The following WDR31 variants were observed in gnomAD, a reference collection of about 807,000 sequenced individuals.
WDR31 encodes the protein WD repeat-containing protein 31.
A neutral mutation model predicts 47.3 loss-of-function variants in WDR31; 30 were observed. That is an observed-to-expected ratio of 0.63 (90% CI 0.47 to 0.86). The LOEUF is 0.86. WDR31 is among the 40% of genes least tolerant of loss of function. WDR31 has a pLI of 0.00. For synonymous variants in WDR31, 137 were observed against 159.4 expected, an observed-to-expected ratio of 0.86 and a Z score of 1.06; for missense variants, 406 against 442.9, an observed-to-expected ratio of 0.92 and a Z score of 0.75.
At chr9:113,338,652 CTT>C (rs1310488179) in intron 1 of WDR31, among the ~76,000 whole-genome samples, 1 of 144,338 alleles carries the variant, frequency 6.9e-6, no homozygotes, top group African/African-American at 2.6e-5. Flanking sequence ...GAGTTTCTCT[CTT>C]GTTGCCCAGG....
Position 113,330,555 on chromosome 9 carries a change from T to C in WDR31, c.249+429A>G, listed in dbSNP as rs115676960. 6.0e-3 allele frequency among the ~76,000 whole-genome samples: 910 copies of C among 152,242 alleles called. 9 individuals are homozygous for C. Among genetic ancestry groups the C allele is most frequent in the African/African-American group, 0.021 (858 of 41,546 alleles). On this transcript the variant is annotated intron_variant, in intron 4 of 10. Coordinates refer to ENST00000374193, the MANE Select transcript of WDR31 (RefSeq NM_001012361.4). Reference sequence around the variant, plus strand: ...AGGGAGGAATCATGATGCATACCAGTGTAGAGAGCATAAAAGAAGAGATTA... The same window carrying C: ...AGGGAGGAATCATGATGCATACCAGCGTAGAGAGCATAAAAGAAGAGATTA...
chr9:113,324,099 G>A (rs1459980977), intron 5 of WDR31, among the ~76,000 whole-genome samples: 2 of 152,044 alleles, frequency 1.3e-5, no homozygotes, highest in East Asian at 3.9e-4. Flanking sequence ...GTACAACTCA[G>A]TGGCAACAAG....
chr9:113,318,906 A>T lies in WDR31; in HGVS notation c.781-269T>A, dbSNP rs369840315. Among the ~76,000 whole-genome samples, 5 of 152,202 alleles carry T rather than the reference A, an allele frequency of 3.3e-5. No individual in the cohort carries two copies. The South Asian group carries it at 8.3e-4, about 25-fold the overall frequency. On this transcript the variant is annotated intron_variant, in intron 9 of 10. Transcript: ENST00000374193. ...ATGAGTTTTTGCCTTTTTAGTGGTT[A>T]GGGAAGTAAAAGCTCCCAGTCCTAC...
intron 5 of WDR31, among the ~76,000 whole-genome samples, chr9:113,327,453 ACAC>A (rs1157545601): frequency 3.3e-5 from 5 of 151,146 alleles, no homozygotes; most frequent in Admixed American, 1.3e-4. Context: ...GTGCACACAC[ACAC>A]AAGTGCATGC....
Position 113,333,088 on chromosome 9 carries a change from C to T in WDR31, c.-28-1038G>A, listed in dbSNP as rs1316718517. Reference sequence around the variant, plus strand: ...TGCTTTTCTTTATAAACTACTTAGCCTCAGTTATTTTTTTATAGCAACACA... The same window carrying T: ...TGCTTTTCTTTATAAACTACTTAGCTTCAGTTATTTTTTTATAGCAACACA... On this transcript the variant is annotated intron_variant, in intron 2 of 10. Transcript: ENST00000374193. 3.3e-5 allele frequency among the ~76,000 whole-genome samples: 5 copies of T among 152,016 alleles called. 1 individual carries two copies. The highest frequency in any genetic ancestry group is 1.2e-4 in the African/African-American group (5 of 41,400).
At chr9:113,334,643 G>A (rs1057024286) in intron 2 of WDR31, among the ~76,000 whole-genome samples, 5 of 149,998 alleles carry the variant, frequency 3.3e-5, no homozygotes, top group African/African-American at 4.9e-5. Context: ...GGGTTCAAGC[G>A]ATTCTCCTGT....
intron 1 of WDR31, among the ~76,000 whole-genome samples, chr9:113,339,234 T>C (rs1378484342): frequency 6.6e-6 from 1 of 152,172 alleles, no homozygotes; most frequent in East Asian, 1.9e-4. Context: ...TCCAGTGCAA[T>C]ATTCCTTGAT....
chr9:113,323,253 CCA>C, intron 5 of WDR31, 98 bp from the exon 6 acceptor site: 2 of 1,403,596 alleles, frequency 1.4e-6, no homozygotes, highest in Non-Finnish European at 9.7e-7. Flanking sequence ...AACTCCCTCC[CCA>C]CACACACTTC....
chr9:113,335,662 G>A (rs905332504), intron 2 of WDR31, among the ~76,000 whole-genome samples: 1 of 152,132 alleles, frequency 6.6e-6, no homozygotes, highest in African/African-American at 2.4e-5. Context: ...ACTTCCTGAC[G>A]AGAATAGGTA....
rs1303901981 is a variant in WDR31 at position 113,330,999 on chromosome 9, A to G, written c.234T>C (p.Ser78=). The part of the protein sequence containing the change: ...VAALNSDLCV[S]GGKDKTVVAY... The stretch of plus-strand genomic sequence containing the variant: ...CAAACCCCACCTTATCTTTCCCTCC[A>G]GAGACACAAAGGTCTGAGTTCAAAG... Residue 78 remains serine (S), a synonymous_variant, in exon 4 of 11, where the codon TCT becomes TCC. Coordinates refer to ENST00000374193, the MANE Select transcript of WDR31 (RefSeq NM_001012361.4). The G allele has an allele frequency of 1.2e-6, 2 of 1,608,634 alleles. No individual in the cohort carries two copies. The highest frequency in any genetic ancestry group is 2.2e-5 in the South Asian group (2 of 90,582).
rs149154993 is a variant in WDR31, at chr9:113,321,056, G to A, written c.638+455C>T. Among the ~76,000 whole-genome samples, 907 of 152,206 alleles carry A rather than the reference G, an allele frequency of 6.0e-3. 10 individuals carry two copies. Among genetic ancestry groups the A allele is most frequent in the African/African-American group, 0.021 (860 of 41,506 alleles). On this transcript the variant is annotated intron_variant, in intron 8 of 10. Transcript: ENST00000374193. ...TCCAAAGTTTCTAGTTATCCTCTCC[G>A]GTCTAAGAACTATTGGCTTTACTGA...
rs535056509 is a variant in WDR31, at chr9:113,330,968, A to G, written c.249+16T>C. ...TGCAATAAAGTTCATTTCCCGGGAAACACTGCAAACCCCACCTTATCTTTC... is the reference window on the plus strand; with the variant it reads ...TGCAATAAAGTTCATTTCCCGGGAAGCACTGCAAACCCCACCTTATCTTTC... On this transcript the variant is annotated intron_variant, in intron 4 of 10. Transcript: ENST00000374193. 31 of 1,576,034 alleles carry G rather than the reference A, an allele frequency of 2.0e-5. No individual in the cohort carries two copies. In the South Asian group the frequency reaches 3.5e-4, roughly 18 times the overall value.
chr9:113,338,390 C>T (rs955055386), intron 1 of WDR31, among the ~76,000 whole-genome samples: 2 of 152,076 alleles, frequency 1.3e-5, no homozygotes, highest in African/African-American at 4.8e-5. Flanking sequence ...GTTATATCTA[C>T]GTTGTTGTAA....
rs1588034596 is a variant in WDR31 at position 113,313,376 on chromosome 9, CCT to C, written c.*3371_*3372del. On this transcript the variant is annotated 3_prime_UTR_variant, in exon 11 of 11. Coordinates refer to ENST00000374193, the MANE Select transcript of WDR31 (RefSeq NM_001012361.4). ...TTCCCGTGAACTTTCTGACTTGCTG[CCT>C]CTCTCCCTTCTGGGAAAAAGTGTCA... 3.3e-5 allele frequency: 5 copies of C among 152,336 alleles called. No homozygotes were observed. Among genetic ancestry groups the C allele is most frequent in the Admixed American group, 2.6e-4 (4 of 15,306 alleles). The allele number at this position is 152,336 out of a possible 1,614,324, so 9.4% of individuals were successfully genotyped here. A position where few individuals can be genotyped will look rare whatever the true frequency, so the allele number is the denominator to read the frequency against.
At chr9:113,316,949 G>A (rs766771854) in intron 10 of WDR31, 40 bp from the exon 11 acceptor site, 3 of 1,595,630 alleles carry the variant, frequency 1.9e-6, no homozygotes, top group Admixed American at 1.8e-5. Flanking sequence ...GGCCAAGAGT[G>A]TAGCATCATG....
intron 5 of WDR31, among the ~76,000 whole-genome samples, chr9:113,327,288 TA>T (rs1367087460): frequency 1.3e-5 from 2 of 152,214 alleles, no homozygotes; most frequent in African/African-American, 4.8e-5. Flanking sequence ...TATGTATATT[TA>T]AAAAAATCTA....
Position 113,332,010 on chromosome 9 carries a change from T to G in WDR31, c.13A>C (p.Arg5=). The change falls in exon 3 of 11, where the codon AGG becomes CGG. Residue 5 remains arginine, a synonymous_variant. Transcript: ENST00000374193. ...GGAGGAGCTTGTTTCAGTTGGCACC[T>G]GAGTAGCAGCATCCCTTGTGGCTGC... is the stretch of plus-strand genomic sequence containing the variant. MLLL[R]CQLKQAPPQK... 6.2e-7 allele frequency: 1 copy of G among 1,613,880 alleles called. No individual in the cohort carries two copies. Among genetic ancestry groups the G allele is most frequent in the Non-Finnish European group, 8.5e-7 (1 of 1,179,794 alleles).
chr9:113,321,270 G>C (rs553204069), intron 8 of WDR31, among the ~76,000 whole-genome samples: 16 of 152,338 alleles, frequency 1.1e-4, no homozygotes, highest in African/African-American at 3.4e-4. Context: ...GGCTGAATCA[G>C]ATGCTTTGGA....
rs1290730320 is a variant in WDR31, at chr9:113,316,875, T to G, written c.978A>C (p.Gly326=). The G allele has an allele frequency of 4.3e-6, 7 of 1,613,826 alleles. No homozygotes were observed. The highest frequency in any genetic ancestry group is 1.3e-5 in the African/African-American group (1 of 74,844). The change falls in exon 11 of 11, where the codon GGA becomes GGC. Residue 326 remains glycine, a synonymous_variant. Coordinates refer to ENST00000374193, the MANE Select transcript of WDR31 (RefSeq NM_001012361.4). ...CLFTLSLDGS[G]PLTSLAVGDA... is the part of the protein sequence containing the mutation. Reference sequence around the variant, plus strand: ...CACCAACAGCCAGAGAAGTCAAGGGTCCTGATCCATCCAGAGACAAGGTGA... The same window carrying G: ...CACCAACAGCCAGAGAAGTCAAGGGGCCTGATCCATCCAGAGACAAGGTGA...
Sources: gnomAD v4.1 joint callset for allele counts (sites outside exome capture counted in the v4.1 genomes callset) on GRCh38, gnomAD v4.1.1 for gene constraint, MANE v1.5 for transcripts, NCBI Gene and HGNC (gene_info 2026-07-23, HGNC 2026-07-21) for gene names.